RSPH1: variants seen among roughly 807,000 people sequenced by gnomAD.
The protein encoded by RSPH1 is radial spoke head component 1.
Under a neutral mutation model 44.2 loss-of-function variants are expected in RSPH1, and 32 were observed. The observed-to-expected ratio is 0.72, with a 90% CI of 0.55 to 0.97. The LOEUF (loss-of-function observed/expected upper bound fraction) is 0.97, where lower values mean the gene tolerates loss of function less well. RSPH1 is among the 50% of genes least tolerant of loss of function. RSPH1 has a pLI of 0.00. For missense variants in RSPH1, 391 were observed against 398.7 expected, an observed-to-expected ratio of 0.98 and a Z score of 0.16; for synonymous variants, 134 against 147.3, an observed-to-expected ratio of 0.91 and a Z score of 0.65.
rs576847526 is a variant in RSPH1, at chr21:42,482,796, A to C, written c.502-88T>G. On this transcript the variant is annotated intron_variant, in intron 5 of 8. Transcript: ENST00000291536. ...GTCACCACCACAATACCCACCTCAA[A>C]TCACCAAATTGGGTAAAGTGTAACA... is the stretch of plus-strand genomic sequence containing the variant. 2.0e-5 allele frequency: 18 copies of C among 903,912 alleles called. No individual in the cohort carries two copies. The East Asian group carries it at 4.3e-4, about 22-fold the overall frequency. The allele number at this position is 903,912 out of a possible 1,614,324, so 56.0% of individuals were successfully genotyped here. A position where few individuals can be genotyped will look rare whatever the true frequency, so the allele number is the denominator to read the frequency against.
intron 3 of RSPH1, among the ~76,000 whole-genome samples, chr21:42,491,863 T>C (rs1250838053): frequency 2.0e-5 from 3 of 152,216 alleles, no homozygotes; most frequent in African/African-American, 7.2e-5. Flanking sequence ...TAGCCCCAGT[T>C]ACTGAGTGCT....
At chr21:42,481,139 G>A (rs1205376847) in intron 6 of RSPH1, among the ~76,000 whole-genome samples, 4 of 152,076 alleles carry the variant, frequency 2.6e-5, no homozygotes, top group Admixed American at 2.0e-4. Flanking sequence ...GAATGGTTTG[G>A]TGCCTTCCCT....
intron 8 of RSPH1, among the ~76,000 whole-genome samples, chr21:42,475,027 G>A (rs766947077): frequency 1.2e-4 from 19 of 152,138 alleles, no homozygotes; most frequent in Non-Finnish European, 1.8e-4. Context: ...TCACAAGCAC[G>A]ACACCCTCTT....
At position 42,479,856 on chromosome 21, in the gene RSPH1, A is replaced by G. The variant is rs547601508; in HGVS notation, c.574-2412T>C. Among the ~76,000 whole-genome samples the G allele has an allele frequency of 5.3e-5, 8 of 152,250 alleles. No homozygotes were observed. The East Asian group carries it at 1.2e-3, about 22-fold the overall frequency. Reference sequence around the variant, plus strand: ...TTACAGGAAGCTGCCTTCCACCCAGACTAGAGCACCCTGCGGTCCATGAAG... The same window carrying G: ...TTACAGGAAGCTGCCTTCCACCCAGGCTAGAGCACCCTGCGGTCCATGAAG... On this transcript the variant is annotated intron_variant, in intron 6 of 8. Transcript: ENST00000291536.
Position 42,485,623 on chromosome 21 carries a change from G to T in RSPH1, c.501+46C>A, listed in dbSNP as rs939431040. ...CACATTTGCACAGGCTGCCAGAGGGGGTTATTTTGTACTTCATTGGCAAAT... is the reference window on the plus strand; with the variant it reads ...CACATTTGCACAGGCTGCCAGAGGGTGTTATTTTGTACTTCATTGGCAAAT... On this transcript the variant is annotated intron_variant, in intron 5 of 8. Transcript: ENST00000291536. 2.0e-5 allele frequency: 33 copies of T among 1,611,004 alleles called. No individual in the cohort carries two copies. In the African/African-American group the frequency reaches 3.3e-4, roughly 16 times the overall value.
chr21:42,486,045 T>G (rs2054177333), intron 4 of RSPH1: 1 of 597,630 alleles, frequency 1.7e-6, no homozygotes, highest in African/African-American at 1.9e-5. Context: ...GTGTGTCAGC[T>G]GCTTTCCCCA....
intron 6 of RSPH1, 59 bp from the exon 7 acceptor site, chr21:42,477,503 T>C (rs368255508): frequency 6.4e-7 from 1 of 1,574,344 alleles, no homozygotes; most frequent in Non-Finnish European, 8.7e-7. Flanking sequence ...GTCTGGAATA[T>C]TAAAAGTGAG....
At chr21:42,489,128 G>T (rs900968391) in intron 3 of RSPH1, among the ~76,000 whole-genome samples, 1 of 152,006 alleles carries the variant, frequency 6.6e-6, no homozygotes, top group Non-Finnish European at 1.5e-5. Flanking sequence ...TAACTGGTTG[G>T]CTGGGTGGTT....
rs764989291 is a variant in RSPH1, at chr21:42,486,471, A to G, written c.275-10T>C. 10 of 1,608,822 alleles carry G rather than the reference A, an allele frequency of 6.2e-6. No individual in the cohort carries two copies. The highest frequency in any genetic ancestry group is 1.7e-4 in the Middle Eastern group (1 of 6,048). ...TCATTTGCCCACTCTCCTGAAAGGA[A>G]CAACACAAAGGCAAGCCCAGGTGAG... On this transcript the variant is annotated splice_polypyrimidine_tract_variant and intron_variant, in intron 3 of 8. Transcript: ENST00000291536.
chr21:42,475,880 C>T lies in RSPH1; in HGVS notation c.877+18G>A, dbSNP rs866823263. 6.2e-7 allele frequency: 1 copy of T among 1,609,008 alleles called. No homozygotes were observed. Among genetic ancestry groups the T allele is most frequent in the Middle Eastern group, 1.7e-4 (1 of 6,058 alleles). On this transcript the variant is annotated intron_variant, in intron 8 of 8. Transcript: ENST00000291536. The stretch of plus-strand genomic sequence containing the variant: ...TAAGTGCGGGCCCTCGCCCCACTTC[C>T]CTGCGCAGGGACCTCACCCTCATCC...
rs74771331 is a variant in RSPH1, at chr21:42,491,240, G to T, written c.274+1518C>A. Among the ~76,000 whole-genome samples, 1,209 of 152,228 alleles carry T rather than the reference G, an allele frequency of 7.9e-3. 20 individuals are homozygous for T. Among genetic ancestry groups the T allele is most frequent in the African/African-American group, 0.027 (1,128 of 41,526 alleles). On this transcript the variant is annotated intron_variant, in intron 3 of 8. Coordinates refer to ENST00000291536, the MANE Select transcript of RSPH1 (RefSeq NM_080860.4). ...ACTTGAGGTTGACATCTGAAGTGGG[G>T]CAGTCTTGGAAACTGAGCCCTTAAC...
rs529237191 is a variant in RSPH1, at chr21:42,485,772, G to A, written c.398C>T (p.Thr133Met). ...HGQGTYLYAE[T>M]GSKYVGTWVN... ...CCAGGTGCCAACATACTTACTGCCC[G>A]TCTCCGCGTATAAATAGGTGCCTTG... The change falls in exon 5 of 9, where the codon ACG becomes ATG. Residue 133 changes from threonine (T) to methionine (M), a missense_variant. Thr to Met is a moderately conservative substitution (Grantham distance 81). Transcript: ENST00000291536. 2.4e-4 allele frequency: 395 copies of A among 1,614,170 alleles called. 3 individuals are homozygous for A. The South Asian group carries it at 3.5e-3, about 14-fold the overall frequency.
intron 5 of RSPH1, chr21:42,485,353 C>A: frequency 3.2e-6 from 1 of 309,234 alleles, no homozygotes; most frequent in Non-Finnish European, 6.1e-6. Flanking sequence ...ATCTGATTTA[C>A]CCATGAGAAG....
chr21:42,490,191 C>T (rs2054222822), intron 3 of RSPH1, among the ~76,000 whole-genome samples: 1 of 152,034 alleles, frequency 6.6e-6, no homozygotes, highest in South Asian at 2.1e-4. Flanking sequence ...ACCCGCCACC[C>T]AGGACCGTCT....
At chr21:42,477,521 G>A (rs2054080930) in intron 6 of RSPH1, 77 bp from the exon 7 acceptor site, 2 of 1,504,258 alleles carry the variant, frequency 1.3e-6, no homozygotes, top group Non-Finnish European at 1.8e-6. Context: ...GAGGGAGGAA[G>A]GACAAGTTTT....
At position 42,477,315 on chromosome 21, in the gene RSPH1, C is replaced by T. The variant is rs1430125318; in HGVS notation, c.703G>A (p.Gly235Ser). 6.2e-7 allele frequency: 1 copy of T among 1,614,180 alleles called. No individual in the cohort carries two copies. The change falls in exon 7 of 9, where the codon GGC becomes AGC. Residue 235 changes from glycine to serine, a missense_variant. Gly to Ser is a moderately conservative substitution (Grantham distance 56). Coordinates refer to ENST00000291536, the MANE Select transcript of RSPH1 (RefSeq NM_080860.4). ...CTCTCAGCTCCTGGAGCGTCTTGGC[C>T]AGGTCCATCCGTAGAGGTCGGCTTT... ...PKKPTSTDGPGQDAPGAESAG... is the reference protein window; with the variant it reads ...PKKPTSTDGPSQDAPGAESAG...
intron 6 of RSPH1, among the ~76,000 whole-genome samples, chr21:42,479,686 G>A (rs564158697): frequency 8.6e-5 from 13 of 151,324 alleles, no homozygotes; most frequent in Middle Eastern, 3.4e-3. Context: ...TCCTAAAGCC[G>A]ACTGTCTTTC....
chr21:42,479,330 T>C (rs1375352910), intron 6 of RSPH1, among the ~76,000 whole-genome samples: 1 of 152,178 alleles, frequency 6.6e-6, no homozygotes, highest in Admixed American at 6.5e-5. Context: ...CATTATTTCA[T>C]GGGTGGTTTT....
chr21:42,477,012 TGCCCCACACCCTCTGTCCCACAGCCC>T (rs1568958697), intron 7 of RSPH1, among the ~76,000 whole-genome samples: 7 of 82,408 alleles, frequency 8.5e-5, no homozygotes, highest in Non-Finnish European at 1.4e-4. Flanking sequence ...GCCCGGGGGA[TGCCCCACACCCTCTGTCCCACAGCCC>T]GGGGGTGCCC....
Sources: allele counts gnomAD v4.1 joint callset (sites outside exome capture counted in the v4.1 genomes callset), GRCh38; gene constraint gnomAD v4.1.1; transcripts MANE v1.5; gene names NCBI Gene and HGNC (gene_info 2026-07-23, HGNC 2026-07-21).